PCDHGA1: variants seen among roughly 807,000 people sequenced by gnomAD.
The protein encoded by PCDHGA1 is protocadherin gamma subfamily A, 1.
Under a neutral mutation model 58.0 loss-of-function variants are expected in PCDHGA1, and 32 were observed. The ratio of observed to expected loss-of-function variants is 0.55; its 90% CI spans 0.42 to 0.74. PCDHGA1 has a LOEUF of 0.74. PCDHGA1 is among the 30% of genes least tolerant of loss of function. The pLI, the probability that PCDHGA1 is intolerant of heterozygous loss-of-function variation, is 0.00. For synonymous variants in PCDHGA1, 498 were observed against 501.1 expected (o/e 0.99, Z 0.08); for missense variants, 1,205 against 1,182.3 (o/e 1.02, Z -0.28).
At chr5:141,410,764 A>G (rs1288407043) in intron 1 of PCDHGA1, 2 of 1,105,068 alleles carry the variant, frequency 1.8e-6, no homozygotes, top group African/African-American at 1.6e-5. Context: ...TTTTTCAATT[A>G]TAGTTTTCAC....
chr5:141,422,535 A>T lies in PCDHGA1; in HGVS notation c.2422-72272A>T, dbSNP rs760963618. On this transcript the variant is annotated intron_variant, in intron 1 of 3. Transcript: ENST00000517417. ...AGGGAAGCCCGCCTTTGTCTGCAGA[A>T]ACTCATGTCTGGCTGAATGTGGCAG... 20 of 1,613,826 alleles carry T rather than the reference A, an allele frequency of 1.2e-5. 1 individual carries two copies. Among genetic ancestry groups the T allele is most frequent in the Non-Finnish European group, 8.5e-7 (1 of 1,179,882 alleles).
At chr5:141,415,165 C>T (rs1410806560) in intron 1 of PCDHGA1, 10 of 1,613,746 alleles carry the variant, frequency 6.2e-6, no homozygotes, top group Non-Finnish European at 8.5e-6. Context: ...CACTGTCACG[C>T]TCACCGTGGC....
intron 1 of PCDHGA1, among the ~76,000 whole-genome samples, chr5:141,349,623 A>G (rs1758327450): frequency 6.6e-6 from 1 of 152,182 alleles, no homozygotes; most frequent in African/African-American, 2.4e-5. Context: ...CTGAATTGAT[A>G]ACATATATAT....
rs1763497131 is a variant in PCDHGA1 at position 141,364,712 on chromosome 5, G to C, written c.2421+31607G>C. 1.9e-6 allele frequency: 3 copies of C among 1,613,834 alleles called. No homozygotes were observed. In the Admixed American group the frequency reaches 5.0e-5, roughly 27 times the overall value. On this transcript the variant is annotated intron_variant, in intron 1 of 3. Coordinates refer to ENST00000517417, the MANE Select transcript of PCDHGA1 (RefSeq NM_018912.3). ...AGAAGTAGAAATAATCGATATTAAT[G>C]ATAACTTCCCGCGTTTCCGGGATGA...
rs1219629939 is a variant in PCDHGA1, at chr5:141,350,541, G to A, written c.2421+17436G>A. 3 of 1,614,068 alleles carry A rather than the reference G, an allele frequency of 1.9e-6. No homozygotes were observed. The South Asian group carries it at 3.3e-5, about 18-fold the overall frequency. ...AGGATAGATCGAGAGAAGATTTGCG[G>A]AAGGAAACTTGAGTGTGCACTAGAA... On this transcript the variant is annotated intron_variant, in intron 1 of 3. Transcript: ENST00000517417.
chr5:141,459,302 A>G (rs1401348885), intron 1 of PCDHGA1, among the ~76,000 whole-genome samples: 1 of 152,328 alleles, frequency 6.6e-6, no homozygotes, highest in Admixed American at 6.5e-5. Context: ...CCTATAACAT[A>G]TACTATTTTG....
chr5:141,509,864 A>G (rs2099878667), intron 3 of PCDHGA1, among the ~76,000 whole-genome samples: 1 of 152,262 alleles, frequency 6.6e-6, no homozygotes, highest in East Asian at 1.9e-4. Context: ...GATAAGGTCC[A>G]AGCTGCTGGT....
intron 1 of PCDHGA1, among the ~76,000 whole-genome samples, chr5:141,455,428 GA>G (rs2098822635): frequency 6.6e-6 from 1 of 152,176 alleles, no homozygotes; most frequent in Non-Finnish European, 1.5e-5. Context: ...GGCTCCAAAA[GA>G]GGAGGTCCCC....
intron 1 of PCDHGA1, chr5:141,412,984 C>A: frequency 1.8e-6 from 1 of 558,874 alleles, no homozygotes; most frequent in Non-Finnish European, 3.0e-6. Context: ...GCAGCCAGAG[C>A]TCAATCCGGA....
rs770760145 is a variant in PCDHGA1 at position 141,421,951 on chromosome 5, A to C, written c.2422-72856A>C. On this transcript the variant is annotated intron_variant, in intron 1 of 3. Transcript: ENST00000517417. Reference sequence around the variant, plus strand: ...CCTCGATGTAAATGATCACATCCCAATGTTTACACAGTCCGTATATCGCGT... The same window carrying C: ...CCTCGATGTAAATGATCACATCCCACTGTTTACACAGTCCGTATATCGCGT... 1.9e-6 allele frequency: 3 copies of C among 1,612,854 alleles called. No homozygotes were observed. The highest frequency in any genetic ancestry group is 2.5e-6 in the Non-Finnish European group (3 of 1,179,434).
chr5:141,352,377 C>G (rs1324121719), intron 1 of PCDHGA1: 1 of 1,614,038 alleles, frequency 6.2e-7, no homozygotes, highest in Non-Finnish European at 8.5e-7. Context: ...GTGATTCTAG[C>G]GATCGCCCTG....
rs1456738329 is a variant in PCDHGA1 at position 141,338,806 on chromosome 5, C to T, written c.2421+5701C>T. On this transcript the variant is annotated intron_variant, in intron 1 of 3. Coordinates refer to ENST00000517417, the MANE Select transcript of PCDHGA1 (RefSeq NM_018912.3). ...CAGCACAAGGGGGTGGAGGTTTGGC[C>T]CTAAAGCTTCAGGACACCAAAGAAA... 12 of 1,371,854 alleles carry T rather than the reference C, an allele frequency of 8.7e-6. No homozygotes were observed. In the Admixed American group the frequency reaches 1.0e-4, roughly 12 times the overall value. 85.0% of individuals were successfully genotyped at this position (1,371,854 alleles called of 1,614,324 possible). A position where few individuals can be genotyped will look rare whatever the true frequency, so the allele number is the denominator to read the frequency against.
intron 1 of PCDHGA1, chr5:141,418,005 A>G: frequency 6.2e-7 from 1 of 1,613,764 alleles, no homozygotes. Flanking sequence ...GTGGTGGGGA[A>G]CCTCGCTAAG....
At chr5:141,484,621 T>C (rs2099598239) in intron 1 of PCDHGA1, among the ~76,000 whole-genome samples, 1 of 152,058 alleles carries the variant, frequency 6.6e-6, no homozygotes, top group Admixed American at 6.6e-5. Flanking sequence ...CAACACTGGC[T>C]TGAACAAAGT....
intron 1 of PCDHGA1, among the ~76,000 whole-genome samples, chr5:141,467,359 A>G (rs997614051): frequency 1.3e-5 from 2 of 151,714 alleles, no homozygotes; most frequent in African/African-American, 4.8e-5. Context: ...GGCCAAATCA[A>G]CGTTTTCTTA....
In PCDHGA1 at chr5:141,432,518, C is replaced by T. The variant is rs1314948517; in HGVS notation, c.2422-62289C>T. 6.2e-7 allele frequency: 1 copy of T among 1,614,126 alleles called. No homozygotes were observed. The highest frequency in any genetic ancestry group is 8.5e-7 in the Non-Finnish European group (1 of 1,180,024). On this transcript the variant is annotated intron_variant, in intron 1 of 3. Coordinates refer to ENST00000517417, the MANE Select transcript of PCDHGA1 (RefSeq NM_018912.3). This position sits in a 1 kb window ranked among gnomAD's most constrained non-coding sequence, Gnocchi z 6.0. The stretch of plus-strand genomic sequence containing the variant: ...TCCCCGCTCCGCAGAGCCCGGCTAC[C>T]TGGTGACCAAGGTGGTGGCGGTGGA...
intron 3 of PCDHGA1, 111 bp from the exon 4 acceptor site, chr5:141,510,836 G>C: frequency 6.3e-7 from 1 of 1,584,882 alleles, no homozygotes; most frequent in African/African-American, 1.3e-5. Flanking sequence ...TGCTCAGCGT[G>C]GTCAAGGCCC....
At chr5:141,374,266 G>T in intron 1 of PCDHGA1, 1 of 1,614,016 alleles carries the variant, frequency 6.2e-7, no homozygotes, top group Non-Finnish European at 8.5e-7. Context: ...AGTTGGCGGA[G>T]CACGGAGTCC....
chr5:141,364,258 C>G, intron 1 of PCDHGA1: 1 of 1,497,150 alleles, frequency 6.7e-7, no homozygotes, highest in East Asian at 2.3e-5. Flanking sequence ...GAATATGTAC[C>G]CATCGGCTTT....
Sources: gnomAD v4.1 joint callset for allele counts (sites outside exome capture counted in the v4.1 genomes callset) on GRCh38, gnomAD v4.1.1 for gene constraint, Gnocchi (gnomAD v3.1) non-coding constraint, MANE v1.5 for transcripts, NCBI Gene and HGNC (gene_info 2026-07-23, HGNC 2026-07-21) for gene names.